FRAS1: variants seen among roughly 807,000 people sequenced by gnomAD.
The protein encoded by FRAS1 is extracellular matrix organizing protein FRAS1.
Under a neutral mutation model 435.2 loss-of-function variants are expected in FRAS1, and 290 were observed. That is an observed-to-expected ratio of 0.67 (90% CI 0.61 to 0.73). FRAS1 has a LOEUF of 0.73. FRAS1 is among the 30% of genes least tolerant of loss of function. FRAS1 has a pLI of 0.00. For synonymous variants in FRAS1, 1,800 were observed against 1,851.0 expected (o/e 0.97, Z 0.71); for missense variants, 4,860 against 5,001.5 (o/e 0.97, Z 0.85).
chr4:78,062,431 A>C (rs1186062516), intron 1 of FRAS1, among the ~76,000 whole-genome samples: 1 of 152,114 alleles, frequency 6.6e-6, no homozygotes, highest in Non-Finnish European at 1.5e-5. Context: ...TTAAATGCCA[A>C]CTTGTGGCTG....
intron 2 of FRAS1, among the ~76,000 whole-genome samples, chr4:78,138,879 A>G (rs577049711): frequency 2.0e-5 from 3 of 152,140 alleles, no homozygotes; most frequent in Non-Finnish European, 4.4e-5. Flanking sequence ...GATCTTCCTT[A>G]GTCTTAAATT....
chr4:78,258,839 A>G (rs1473557660), intron 6 of FRAS1, among the ~76,000 whole-genome samples: 1 of 115,930 alleles, frequency 8.6e-6, no homozygotes, highest in Non-Finnish European at 1.8e-5. Flanking sequence ...TATATCTCCC[A>G]ATGCTATCCC....
intron 14 of FRAS1, among the ~76,000 whole-genome samples, chr4:78,301,619 T>C (rs1466831756): frequency 6.6e-6 from 1 of 152,100 alleles, no homozygotes. Context: ...CCTCAGCTGA[T>C]TCTGATGGTG....
In FRAS1 at chr4:78,312,879, G is replaced by GAGAGAGAGAGAGAGAGAA. The variant is rs143465313; in HGVS notation, c.1679-2712_1679-2711insGAGAGAGAGAGAGAAAGA. On this transcript the variant is annotated intron_variant, in intron 15 of 73. Transcript: ENST00000512123. ...AAAGAAAGAGAGAGAGAGAGAGAGA[G>GAGAGAGAGAGAGAGAGAA]AGAAAGAAAGAAAGAAAGAAAGCTC... 8.3e-3 allele frequency among the ~76,000 whole-genome samples: 1,062 copies of GAGAGAGAGAGAGAGAGAA among 128,536 alleles called. 6 individuals are homozygous for GAGAGAGAGAGAGAGAGAA. The highest frequency in any genetic ancestry group is 0.011 in the South Asian group (41 of 3,766). 84.3% of individuals were successfully genotyped at this position (128,536 alleles called of 152,430 possible).
chr4:78,392,744 G>A (rs1732497767), intron 29 of FRAS1, among the ~76,000 whole-genome samples: 1 of 144,728 alleles, frequency 6.9e-6, no homozygotes, highest in South Asian at 2.2e-4. Flanking sequence ...GCATTCAGTT[G>A]GTAATATAAC....
At position 78,508,947 on chromosome 4, in the gene FRAS1, G is replaced by T; in HGVS notation, c.9721G>T (p.Ala3241Ser). The change falls in exon 63 of 74, where the codon GCC (alanine) becomes TCC (serine). Residue 3241 changes from alanine (A) to serine (S), a missense_variant. Physicochemically the swap from Ala to Ser is moderately conservative, Grantham distance 99. Coordinates refer to ENST00000512123, the MANE Select transcript of FRAS1 (RefSeq NM_025074.7). ...GGCTGCCCCCACTGATGGCAATGGG[G>T]CCCGGTCTCCCTTTGAAACCATCAC... is the stretch of plus-strand genomic sequence containing the variant. ...EVAAPTDGNG[A>S]RSPFETITDN... 6.2e-7 allele frequency: 1 copy of T among 1,613,966 alleles called. No individual in the cohort carries two copies. Among genetic ancestry groups the T allele is most frequent in the Non-Finnish European group, 8.5e-7 (1 of 1,179,890 alleles).
At position 78,335,156 on chromosome 4, in the gene FRAS1, C is replaced by G. The variant is rs59209021; in HGVS notation, c.2278+1744C>G. ...TTCTCCCTCTTAATGAGGTACTGCT[C>G]TGGTTGTCAATTATTGCCTAATAAA... On this transcript the variant is annotated intron_variant, in intron 19 of 73. Transcript: ENST00000512123. Among the ~76,000 whole-genome samples, 1,362 of 152,254 alleles carry G rather than the reference C, an allele frequency of 8.9e-3. 23 individuals are homozygous for G. Among genetic ancestry groups the G allele is most frequent in the African/African-American group, 0.031 (1,304 of 41,540 alleles).
chr4:78,104,970 C>T (rs1004309225), intron 2 of FRAS1, among the ~76,000 whole-genome samples: 5 of 152,122 alleles, frequency 3.3e-5, no homozygotes, highest in Non-Finnish European at 5.9e-5. Flanking sequence ...AACTTGCTTC[C>T]TCCATTGATG....
At chr4:78,495,024 CTAATT>C (rs1278502546) in intron 59 of FRAS1, among the ~76,000 whole-genome samples, 1 of 152,086 alleles carries the variant, frequency 6.6e-6, no homozygotes, top group African/African-American at 2.4e-5. Context: ...TGAATTTTTG[CTAATT>C]TAATATGTAT....
At chr4:78,380,099 C>G (rs888728285) in intron 27 of FRAS1, 103 bp downstream of exon 27, 8 of 1,298,314 alleles carry the variant, frequency 6.2e-6, no homozygotes, top group Non-Finnish European at 8.5e-6. Context: ...TAACCCTTCT[C>G]ATCTGGGGAA....
At position 78,359,727 on chromosome 4, in the gene FRAS1, A is replaced by T. The variant is rs79079455; in HGVS notation, c.2423-3786A>T. ...TAGAGAGTTGAACTTTGCACACTCGAGTATTTGTAATCTCCTGTGTGAGGT... is the reference window on the plus strand; with the variant it reads ...TAGAGAGTTGAACTTTGCACACTCGTGTATTTGTAATCTCCTGTGTGAGGT... On this transcript the variant is annotated intron_variant, in intron 20 of 73. Transcript: ENST00000512123. Among the ~76,000 whole-genome samples the T allele has an allele frequency of 7.5e-3, 1,141 of 152,334 alleles. 19 individuals are homozygous for T. The highest frequency in any genetic ancestry group is 0.026 in the African/African-American group (1,067 of 41,580).
chr4:78,202,752 T>G (rs1723096078), intron 2 of FRAS1, among the ~76,000 whole-genome samples: 1 of 152,208 alleles, frequency 6.6e-6, no homozygotes, highest in Non-Finnish European at 1.5e-5. Context: ...ATTGGTCTGG[T>G]GTGGAACACG....
intron 22 of FRAS1, among the ~76,000 whole-genome samples, chr4:78,366,164 C>T (rs529959266): frequency 1.3e-5 from 2 of 152,016 alleles, no homozygotes; most frequent in Non-Finnish European, 2.9e-5. Flanking sequence ...AGGAATCTTT[C>T]GAGAGGATGT....
chr4:78,090,495 A>T (rs1381812133), intron 2 of FRAS1, among the ~76,000 whole-genome samples: 1 of 152,044 alleles, frequency 6.6e-6, no homozygotes, highest in Non-Finnish European at 1.5e-5. Flanking sequence ...ACTGTGGCAG[A>T]TTGTCAGATC....
intron 2 of FRAS1, among the ~76,000 whole-genome samples, chr4:78,072,275 C>A (rs1466992563): frequency 3.9e-5 from 6 of 152,042 alleles, no homozygotes; most frequent in African/African-American, 1.4e-4. Context: ...TAGAGCTCTT[C>A]AATGTTAGAG....
At chr4:78,494,677 G>C (rs1378866021) in intron 59 of FRAS1, among the ~76,000 whole-genome samples, 1 of 152,100 alleles carries the variant, frequency 6.6e-6, no homozygotes, top group African/African-American at 2.4e-5. Context: ...ATATGGAGGG[G>C]ACAAATATTT....
At chr4:78,062,229 G>A (rs1502887) in intron 1 of FRAS1, among the ~76,000 whole-genome samples, 18,913 of 152,174 alleles carry the variant, frequency 0.12, 1,311 homozygotes, top group Middle Eastern at 0.19. Context: ...GGAGCCTCAT[G>A]CCAAATCTTA....
At chr4:78,401,872 A>G (rs13116717) in intron 30 of FRAS1, among the ~76,000 whole-genome samples, 63,642 of 144,810 alleles carry the variant, frequency 0.44, 15,541 homozygotes, top group African/African-American at 0.63. Flanking sequence ...ATATGTCTTG[A>G]GTTCTTTATT....
At chr4:78,239,603 C>G (rs1214060709) in intron 3 of FRAS1, among the ~76,000 whole-genome samples, 1 of 152,140 alleles carries the variant, frequency 6.6e-6, no homozygotes, top group African/African-American at 2.4e-5. Flanking sequence ...TTCCCAATGT[C>G]CTTTAAGGTA....
Sources: gnomAD v4.1 joint callset for allele counts (sites outside exome capture counted in the v4.1 genomes callset) on GRCh38, gnomAD v4.1.1 for gene constraint, MANE v1.5 for transcripts, NCBI Gene and HGNC (gene_info 2026-07-23, HGNC 2026-07-21) for gene names.